The following VPS53 variants were observed in gnomAD, a reference collection of about 807,000 sequenced individuals.
The protein encoded by VPS53 is vacuolar protein sorting-associated protein 53 homolog.
In VPS53, 70 loss-of-function variants were observed where a neutral mutation model predicts 107.0. The ratio of observed to expected loss-of-function variants is 0.65; its 90% CI spans 0.54 to 0.80. The LOEUF is 0.80. VPS53 is among the 30% of genes least tolerant of loss of function. The pLI is 0.00. For missense variants in VPS53, 917 were observed against 1,049.4 expected, an observed-to-expected ratio of 0.87 and a Z score of 1.74; for synonymous variants, 409 against 393.3, an observed-to-expected ratio of 1.04 and a Z score of -0.47.
At chr17:572,411 T>C (rs1914232263) in intron 13 of VPS53, among the ~76,000 whole-genome samples, 1 of 129,512 alleles carries the variant, frequency 7.7e-6, no homozygotes, top group Non-Finnish European at 1.6e-5. Flanking sequence ...GGGAGGGAGG[T>C]GGGGGGGTCA....
chr17:704,734 GAAC>G (rs1325549787), intron 2 of VPS53, among the ~76,000 whole-genome samples: 1 of 152,010 alleles, frequency 6.6e-6, no homozygotes, highest in East Asian at 1.9e-4. Flanking sequence ...TGAATCTGTG[GAAC>G]AACAAAGATC....
Position 631,530 on chromosome 17 carries a change from G to A in VPS53, c.687+20C>T, listed in dbSNP as rs1452877194. 1 of 1,612,534 alleles carries A rather than the reference G, an allele frequency of 6.2e-7. No homozygotes were observed. Among genetic ancestry groups the A allele is most frequent in the Admixed American group, 1.7e-5 (1 of 59,996 alleles). On this transcript the variant is annotated intron_variant, in intron 8 of 21. Coordinates refer to ENST00000437048, the MANE Select transcript of VPS53 (RefSeq NM_001128159.3). ...AGGATGGTGATCATCTCTAAAGACT[G>A]GGGAAACGCAAAGCAGTACCTTGGT...
At chr17:539,286 A>C (rs1021652786) in intron 17 of VPS53, 4 of 152,318 alleles carry the variant, frequency 2.6e-5, no homozygotes, top group Non-Finnish European at 5.9e-5. Flanking sequence ...GATTTCTTCA[A>C]CTTCCCACTG....
intron 12 of VPS53, among the ~76,000 whole-genome samples, chr17:593,575 C>T (rs1197120188): frequency 6.6e-6 from 1 of 152,162 alleles, no homozygotes; most frequent in Non-Finnish European, 1.5e-5. Context: ...CCATCACTGG[C>T]CATCAGAGAA....
At chr17:675,782 A>C (rs1972135556) in intron 4 of VPS53, 1 of 151,732 alleles carries the variant, frequency 6.6e-6, no homozygotes, top group South Asian at 2.1e-4. Flanking sequence ...AAAAAAAAAA[A>C]AAAAAAACTT....
chr17:699,328 C>A lies in VPS53; in HGVS notation c.218+3G>T. The A allele has an allele frequency of 6.4e-7, 1 of 1,572,318 alleles. No individual in the cohort carries two copies. The highest frequency in any genetic ancestry group is 1.2e-5 in the South Asian group (1 of 83,428). On this transcript the variant is annotated splice_donor_region_variant and intron_variant, in intron 3 of 21. Coordinates refer to ENST00000437048, the MANE Select transcript of VPS53 (RefSeq NM_001128159.3). ...TTATGAACAATCACACAGCTTTACT[C>A]ACCTTATTTTCAGCCTAATTTTGTT...
At chr17:546,965 C>G (rs374641864) in intron 17 of VPS53, among the ~76,000 whole-genome samples, 1 of 151,462 alleles carries the variant, frequency 6.6e-6, no homozygotes, top group African/African-American at 2.4e-5. Flanking sequence ...ATCTCCACCT[C>G]CCAGGTTCAA....
rs190163807 is a variant in VPS53 at position 628,419 on chromosome 17, G to A, written c.688-188C>T. ...CCTCGAGGATGGAATCCTTACACTC[G>A]TTTTACAGCAAGCGACAGAAAAACT... On this transcript the variant is annotated intron_variant, in intron 8 of 21. Coordinates refer to ENST00000437048, the MANE Select transcript of VPS53 (RefSeq NM_001128159.3). Among the ~76,000 whole-genome samples the A allele has an allele frequency of 2.6e-5, 4 of 152,260 alleles. No homozygotes were observed. The East Asian group carries it at 5.8e-4, about 22-fold the overall frequency.
chr17:560,673 G>T, intron 14 of VPS53, 100 bp from the exon 15 acceptor site: 1 of 1,377,684 alleles, frequency 7.3e-7, no homozygotes, highest in Admixed American at 2.1e-5. Flanking sequence ...GGGAAGTAAA[G>T]GCTGGACATG....
rs571678174 is a variant in VPS53 at position 536,818 on chromosome 17, G to A, written c.2015+210C>T. 1.9e-5 allele frequency: 11 copies of A among 571,260 alleles called. No individual in the cohort carries two copies. The South Asian group carries it at 2.4e-4, about 13-fold the overall frequency. 35.4% of individuals were successfully genotyped at this position (571,260 alleles called of 1,614,324 possible). A position where few individuals can be genotyped will look rare whatever the true frequency, so the allele number is the denominator to read the frequency against. On this transcript the variant is annotated intron_variant, in intron 18 of 21. Transcript: ENST00000437048. Reference sequence around the variant, plus strand: ...GTCAGAGTCCGGGTGATAATGACGTGTTGATGCAGGTTCATCCACTGTAAC... The same window carrying A: ...GTCAGAGTCCGGGTGATAATGACGTATTGATGCAGGTTCATCCACTGTAAC...
At chr17:627,463 C>G in intron 9 of VPS53, 147 bp from the exon 10 acceptor site, 5 of 1,159,546 alleles carry the variant, frequency 4.3e-6, no homozygotes, top group Non-Finnish European at 5.9e-6. Context: ...ACCTTTTTAA[C>G]TTGATTTTTT....
At chr17:660,573 G>A (rs753399206) in intron 5 of VPS53, among the ~76,000 whole-genome samples, 4 of 152,152 alleles carry the variant, frequency 2.6e-5, no homozygotes, top group South Asian at 2.1e-4. Flanking sequence ...AAGCAGCATC[G>A]GATACTCTCG....
chr17:614,158 G>A (rs938288091), intron 11 of VPS53, among the ~76,000 whole-genome samples: 2 of 152,168 alleles, frequency 1.3e-5, no homozygotes, highest in Admixed American at 1.3e-4. Context: ...ATTTCTTCTG[G>A]GGTAACAGAA....
chr17:696,942 G>GCCGCTGTGC (rs1374033271), intron 4 of VPS53, among the ~76,000 whole-genome samples: 2 of 152,110 alleles, frequency 1.3e-5, no homozygotes, highest in Non-Finnish European at 2.9e-5. Flanking sequence ...ACAGGCGTGA[G>GCCGCTGTGC]CCGCTGTGCC....
At chr17:559,114 TATA>T (rs1912710660) in intron 15 of VPS53, among the ~76,000 whole-genome samples, 1 of 152,148 alleles carries the variant, frequency 6.6e-6, no homozygotes, top group Non-Finnish European at 1.5e-5. Context: ...TTACTATCAT[TATA>T]ATGACAGGAG....
chr17:707,844 C>A (rs1038006301), intron 2 of VPS53, among the ~76,000 whole-genome samples: 75 of 126,890 alleles, frequency 5.9e-4, no homozygotes, highest in East Asian at 9.3e-4. Flanking sequence ...AACTCTCTTT[C>A]AAAAAAAAAA....
intron 2 of VPS53, among the ~76,000 whole-genome samples, chr17:700,570 C>T (rs949272061): frequency 2.6e-5 from 4 of 151,980 alleles, no homozygotes; most frequent in Non-Finnish European, 5.9e-5. Context: ...ATATTTTCTT[C>T]TTTTTGTCTG....
chr17:599,252 A>T (rs1360633566), intron 12 of VPS53, among the ~76,000 whole-genome samples: 4 of 151,890 alleles, frequency 2.6e-5, no homozygotes. Flanking sequence ...TGGGAGGTGT[A>T]CCCAACAGCT....
rs997716851 is a variant in VPS53, at chr17:629,846, C to T, written c.688-1615G>A. On this transcript the variant is annotated intron_variant, in intron 8 of 21. Transcript: ENST00000437048. ...ACACACACACACACACACACACACA[C>T]GAAGTCACTATGCCAGAGAAAAGGG... 9.1e-4 allele frequency among the ~76,000 whole-genome samples: 123 copies of T among 135,032 alleles called. 2 individuals carry two copies. The East Asian group carries it at 0.025, about 27-fold the overall frequency. 88.6% of individuals were successfully genotyped at this position (135,032 alleles called of 152,430 possible). A position where few individuals can be genotyped will look rare whatever the true frequency, so the allele number is the denominator to read the frequency against.
Sources: gnomAD v4.1 joint callset for allele counts (sites outside exome capture counted in the v4.1 genomes callset) on GRCh38, gnomAD v4.1.1 for gene constraint, MANE v1.5 for transcripts, NCBI Gene and HGNC (gene_info 2026-07-23, HGNC 2026-07-21) for gene names.